The following ARHGAP22 variants were observed in gnomAD, a reference collection of about 807,000 sequenced individuals.
ARHGAP22 encodes the protein rho GTPase-activating protein 22.
Under a neutral mutation model 59.1 loss-of-function variants are expected in ARHGAP22, and 48 were observed. The observed-to-expected ratio is 0.81, with a 90% CI of 0.64 to 1.03. The LOEUF (loss-of-function observed/expected upper bound fraction) is 1.03, where lower values mean the gene tolerates loss of function less well. Among genes scored for constraint, ARHGAP22 ranks in the 50% least tolerant of loss-of-function variants. The pLI is 0.00. For missense variants in ARHGAP22, 1,015 were observed against 958.7 expected, an observed-to-expected ratio of 1.06 and a Z score of -0.78; for synonymous variants, 445 against 416.4, an observed-to-expected ratio of 1.07 and a Z score of -0.84.
chr10:48,580,926 T>C (rs867295879), intron 2 of ARHGAP22, among the ~76,000 whole-genome samples: 35 of 42,912 alleles, frequency 8.2e-4, no homozygotes, highest in Admixed American at 3.5e-3. Flanking sequence ...AATGATACAA[T>C]CTAAAGTAAA....
intron 3 of ARHGAP22, among the ~76,000 whole-genome samples, chr10:48,501,916 T>C (rs1249409894): frequency 1.3e-5 from 2 of 151,798 alleles, no homozygotes; most frequent in African/African-American, 4.8e-5. Flanking sequence ...GAAGGGAGGG[T>C]CTCAGGAGCA....
At chr10:48,518,337 G>T (rs781498282) in intron 3 of ARHGAP22, among the ~76,000 whole-genome samples, 3 of 152,236 alleles carry the variant, frequency 2.0e-5, no homozygotes, top group African/African-American at 4.8e-5. Flanking sequence ...GACAGAGTCT[G>T]CCCTGGCCTT....
At chr10:48,506,451 T>C (rs2052149608) in intron 3 of ARHGAP22, among the ~76,000 whole-genome samples, 1 of 152,192 alleles carries the variant, frequency 6.6e-6, no homozygotes, top group Admixed American at 6.5e-5. Flanking sequence ...AATACAATAC[T>C]ATAATAGGAT....
chr10:48,483,896 C>T (rs2049591053), intron 3 of ARHGAP22, among the ~76,000 whole-genome samples: 1 of 152,110 alleles, frequency 6.6e-6, no homozygotes, highest in Non-Finnish European at 1.5e-5. Context: ...TCCCACTTAG[C>T]TATTTTTGTT....
upstream of ARHGAP22, among the ~76,000 whole-genome samples, chr10:48,605,305 G>C (rs914745625): frequency 3.3e-5 from 5 of 151,824 alleles, no homozygotes. Flanking sequence ...GGGTGGGATA[G>C]CGCTTTGGTG....
chr10:48,575,935 C>T (rs2058683769), intron 2 of ARHGAP22, among the ~76,000 whole-genome samples: 2 of 152,194 alleles, frequency 1.3e-5, no homozygotes, highest in Admixed American at 1.3e-4. Context: ...CCTGGTCAGC[C>T]CCTATCTGTG....
intron 3 of ARHGAP22, among the ~76,000 whole-genome samples, chr10:48,545,553 G>T (rs550981047): frequency 6.6e-6 from 1 of 152,328 alleles, no homozygotes; most frequent in South Asian, 2.1e-4. Flanking sequence ...CAAGACTCAG[G>T]CTGGCTGGTA....
chr10:48,559,521 A>T (rs1489929032), intron 2 of ARHGAP22, among the ~76,000 whole-genome samples: 1 of 152,240 alleles, frequency 6.6e-6, no homozygotes, highest in African/African-American at 2.4e-5. Flanking sequence ...AGACATTGCA[A>T]AATTGCTTTC....
chr10:48,441,450 C>CT (rs2045199936), downstream of ARHGAP22, among the ~76,000 whole-genome samples: 1 of 140,628 alleles, frequency 7.1e-6, no homozygotes, highest in Non-Finnish European at 1.5e-5. Flanking sequence ...AAACCAAAGG[C>CT]ATTTTTTTTT....
At chr10:48,641,206 A>T (rs2062030873) in intron 1 of ARHGAP22, among the ~76,000 whole-genome samples, 1 of 152,200 alleles carries the variant, frequency 6.6e-6, no homozygotes, top group Non-Finnish European at 1.5e-5. Flanking sequence ...AGACATACAT[A>T]AAACAAATTA....
chr10:48,466,179 A>T (rs1488008266), intron 4 of ARHGAP22, among the ~76,000 whole-genome samples: 2 of 151,896 alleles, frequency 1.3e-5, no homozygotes, highest in South Asian at 4.1e-4. Flanking sequence ...CCTGTGGCCC[A>T]GGTAGGCTTG....
chr10:48,544,260 C>T (rs1271868596), intron 3 of ARHGAP22, among the ~76,000 whole-genome samples: 1 of 152,148 alleles, frequency 6.6e-6, no homozygotes, highest in Non-Finnish European at 1.5e-5. Flanking sequence ...GAAAATGAAG[C>T]CCATGGGATT....
upstream of ARHGAP22, among the ~76,000 whole-genome samples, chr10:48,654,798 CTTT>C (rs2062701812): frequency 1.4e-5 from 2 of 139,360 alleles, no homozygotes; most frequent in South Asian, 2.3e-4. Flanking sequence ...TTCTTTCTTT[CTTT>C]CTTTCTTTCT....
Position 48,507,906 on chromosome 10 carries a change from G to A in ARHGAP22, c.323-28142C>T, listed in dbSNP as rs1378995656. On this transcript the variant is annotated intron_variant, in intron 3 of 9. Transcript: ENST00000249601. ...CTGAGGCTCGGAAATACTGGGGGGT[G>A]GGGGTGGGGTGGGGGTGGGGGTGGG... Among the ~76,000 whole-genome samples, 51 of 148,432 alleles carry A rather than the reference G, an allele frequency of 3.4e-4. No individual in the cohort carries two copies. In the South Asian group the frequency reaches 6.7e-3, roughly 20 times the overall value.
At chr10:48,486,018 TTCTTG>T (rs1230758113) in intron 3 of ARHGAP22, among the ~76,000 whole-genome samples, 2 of 152,310 alleles carry the variant, frequency 1.3e-5, no homozygotes, top group East Asian at 3.9e-4. Flanking sequence ...TTTTTCTCTT[TTCTTG>T]TCTTGTTTTG....
intron 1 of ARHGAP22, among the ~76,000 whole-genome samples, chr10:48,650,244 A>C: frequency 7.2e-6 from 1 of 139,440 alleles, no homozygotes; most frequent in Admixed American, 7.8e-5. Flanking sequence ...GTAATCATTT[A>C]CAAATTAATC....
In ARHGAP22 at chr10:48,450,534, C is replaced by T; in HGVS notation, c.1595G>A (p.Cys532Tyr). ...VGGSLSSCTA[C>Y]RASDSSARSS... ...GCGGGCAGACGAGTCGCTGGCGCGG[C>T]AGGCCGTGCAGCTGCTGAGTGAGCC... The change falls in exon 9 of 10, where the codon TGC becomes TAC. Residue 532 changes from cysteine to tyrosine, a missense_variant. Coordinates refer to ENST00000249601, the MANE Select transcript of ARHGAP22 (RefSeq NM_021226.4). The T allele has an allele frequency of 6.6e-7, 1 of 1,517,518 alleles. No homozygotes were observed. The highest frequency in any genetic ancestry group is 1.4e-5 in the African/African-American group (1 of 72,804). The allele number at this position is 1,517,518 out of a possible 1,614,324, so 94.0% of individuals were successfully genotyped here. A position where few individuals can be genotyped will look rare whatever the true frequency, so the allele number is the denominator to read the frequency against.
intron 3 of ARHGAP22, among the ~76,000 whole-genome samples, chr10:48,495,546 A>G (rs529734045): frequency 3.3e-5 from 5 of 152,320 alleles, no homozygotes; most frequent in African/African-American, 1.2e-4. Context: ...TTAATAGCTG[A>G]GGATCTGAAT....
chr10:48,563,211 T>TTTTTTTTTA (rs55749457), intron 2 of ARHGAP22, among the ~76,000 whole-genome samples: 3 of 87,522 alleles, frequency 3.4e-5, no homozygotes, highest in Non-Finnish European at 7.7e-5. Context: ...TTTTTTTTTT[T>TTTTTTTTTA]GAGACGTATT....
Sources: allele counts gnomAD v4.1 joint callset (sites outside exome capture counted in the v4.1 genomes callset), GRCh38; gene constraint gnomAD v4.1.1; transcripts MANE v1.5; gene names NCBI Gene and HGNC (gene_info 2026-07-23, HGNC 2026-07-21).